The following CNTN4 variants were observed in gnomAD, a reference collection of about 807,000 sequenced individuals.
CNTN4 encodes the protein contactin-4.
A neutral mutation model predicts 122.5 loss-of-function variants in CNTN4; 77 were observed. The ratio of observed to expected loss-of-function variants is 0.63; its 90% CI spans 0.52 to 0.76. CNTN4 has a LOEUF of 0.76. Ranked by LOEUF, CNTN4 falls within the 30% of genes least tolerant of loss-of-function variation. CNTN4 has a pLI of 0.00. For synonymous variants in CNTN4, 512 were observed against 447.0 expected, an observed-to-expected ratio of 1.15 and a Z score of -1.83; for missense variants, 1,256 against 1,259.1, an observed-to-expected ratio of 1.00 and a Z score of 0.04.
At chr3:2,668,595 G>C (rs374689063) in intron 4 of CNTN4, among the ~76,000 whole-genome samples, 167 of 152,170 alleles carry the variant, frequency 1.1e-3, no homozygotes, top group Middle Eastern at 3.4e-3. Context: ...TCCTTCTCCT[G>C]CCTGATTGCC....
intron 7 of CNTN4, among the ~76,000 whole-genome samples, chr3:2,853,868 T>G: frequency 6.6e-6 from 1 of 152,212 alleles, no homozygotes; most frequent in Admixed American, 6.5e-5. Flanking sequence ...ATTGGTCTCC[T>G]GTGACTCACT....
intron 6 of CNTN4, among the ~76,000 whole-genome samples, chr3:2,781,558 G>T (rs984203083): frequency 1.3e-5 from 2 of 151,966 alleles, no homozygotes; most frequent in African/African-American, 2.4e-5. Context: ...CCCTCAGGAG[G>T]TCCTGAGAAC....
intron 2 of CNTN4, among the ~76,000 whole-genome samples, chr3:2,287,697 GAAGAAGAA>G (rs2041975447): frequency 1.3e-5 from 1 of 79,548 alleles, no homozygotes; most frequent in East Asian, 3.6e-4. Flanking sequence ...AGAAGAGGAA[GAAGAAGAA>G]GAAGAGGAAG....
intron 3 of CNTN4, among the ~76,000 whole-genome samples, chr3:2,530,738 T>C (rs1018184487): frequency 2.0e-5 from 3 of 152,226 alleles, no homozygotes; most frequent in Non-Finnish European, 4.4e-5. Flanking sequence ...AGAACACTTA[T>C]GTAGCCAGAT....
intron 2 of CNTN4, among the ~76,000 whole-genome samples, chr3:2,190,851 AAT>A: frequency 6.7e-6 from 1 of 148,500 alleles, no homozygotes; most frequent in Middle Eastern, 3.5e-3. Context: ...CACACACATA[AAT>A]ATATATCTCG....
intron 7 of CNTN4, among the ~76,000 whole-genome samples, 180 bp downstream of exon 7, chr3:2,819,761 T>C (rs1012710420): frequency 1.3e-5 from 2 of 152,130 alleles, no homozygotes; most frequent in Non-Finnish European, 2.9e-5. Context: ...AAATACCAGA[T>C]TGTGCAAATT....
intron 4 of CNTN4, among the ~76,000 whole-genome samples, chr3:2,655,035 T>C (rs1033211885): frequency 2.0e-5 from 3 of 152,186 alleles, no homozygotes; most frequent in African/African-American, 7.2e-5. Context: ...AATAATTGTT[T>C]ATGAGGAAAT....
intron 7 of CNTN4, among the ~76,000 whole-genome samples, chr3:2,863,888 G>T (rs75530363): frequency 6.6e-6 from 1 of 152,098 alleles, no homozygotes; most frequent in Non-Finnish European, 1.5e-5. Context: ...TAGGGAGGTG[G>T]GGGTAGAAAA....
chr3:2,861,109 TG>T (rs2093667094), intron 7 of CNTN4, among the ~76,000 whole-genome samples: 1 of 152,224 alleles, frequency 6.6e-6, no homozygotes, highest in Non-Finnish European at 1.5e-5. Flanking sequence ...GTGTAACTCT[TG>T]GTTTAGGCAG....
chr3:2,761,295 G>C (rs2090577721), intron 6 of CNTN4, among the ~76,000 whole-genome samples: 1 of 152,150 alleles, frequency 6.6e-6, no homozygotes. Context: ...CAGAAAGGCT[G>C]TGACCTTCAG....
chr3:2,115,418 C>T (rs2033282533), intron 2 of CNTN4, among the ~76,000 whole-genome samples: 4 of 152,192 alleles, frequency 2.6e-5, no homozygotes, highest in African/African-American at 9.7e-5. Context: ...TTTCTTGGAA[C>T]CAAGGAACTA....
intron 3 of CNTN4, among the ~76,000 whole-genome samples, chr3:2,554,456 A>G (rs1575970819): frequency 6.6e-6 from 1 of 152,102 alleles, no homozygotes; most frequent in South Asian, 2.1e-4. Flanking sequence ...GCATTTGTAC[A>G]ATGATTTTGA....
Position 3,038,945 on chromosome 3 carries a change from C to T in CNTN4, c.2105C>T (p.Thr702Ile), listed in dbSNP as rs1327242502. The T allele has an allele frequency of 1.9e-6, 3 of 1,614,116 alleles. No individual in the cohort carries two copies. Among genetic ancestry groups the T allele is most frequent in the South Asian group, 2.2e-5 (2 of 91,076 alleles). The change falls in exon 19 of 25, where the codon ACA becomes ATA. Residue 702 changes from threonine (T) to isoleucine (I), a missense_variant. Physicochemically the swap from Thr to Ile is moderately conservative, Grantham distance 89. Coordinates refer to ENST00000418658, the MANE Select transcript of CNTN4 (RefSeq NM_175607.3). ...RRTEEALPEV[T>I]PANVSGGGGS... ...TCTCCTTGTGCAGTCCCCGAAGTCA[C>T]ACCAGCGAATGTCAGTGGTGGCGGA...
At chr3:2,241,016 C>A (rs778682160) in intron 2 of CNTN4, among the ~76,000 whole-genome samples, 2 of 152,010 alleles carry the variant, frequency 1.3e-5, no homozygotes, top group African/African-American at 4.8e-5. Context: ...ATTTTTATGG[C>A]AAAGGGCGGT....
intron 13 of CNTN4, among the ~76,000 whole-genome samples, chr3:2,954,706 G>T (rs1464521638): frequency 2.6e-5 from 4 of 151,860 alleles, no homozygotes; most frequent in Non-Finnish European, 1.5e-5. Context: ...ATCTTGCAAT[G>T]CAATAACCTG....
chr3:2,290,954 T>C (rs1187488290), intron 2 of CNTN4, among the ~76,000 whole-genome samples: 1 of 152,170 alleles, frequency 6.6e-6, no homozygotes, highest in East Asian at 1.9e-4. Flanking sequence ...GTGAAAGCCT[T>C]ACATTATAAA....
At chr3:2,211,447 CG>C (rs2038611806) in intron 2 of CNTN4, among the ~76,000 whole-genome samples, 1 of 152,058 alleles carries the variant, frequency 6.6e-6, no homozygotes, top group African/African-American at 2.4e-5. Context: ...CTACCGTATG[CG>C]TTGTGTAGTT....
chr3:2,515,817 ATTG>A lies in CNTN4; in HGVS notation c.-88-55597_-88-55595del, dbSNP rs1447612741. The stretch of plus-strand genomic sequence containing the variant: ...CATAATTTATACTTGTAGGACATGG[ATTG>A]TAGTGCTTTTTGTTTCTTCCACTGT... On this transcript the variant is annotated intron_variant, in intron 3 of 24. Coordinates refer to ENST00000418658, the MANE Select transcript of CNTN4 (RefSeq NM_175607.3). Among the ~76,000 whole-genome samples the A allele has an allele frequency of 2.0e-5, 3 of 152,162 alleles. No homozygotes were observed. In the East Asian group the frequency reaches 5.8e-4, roughly 29 times the overall value.
intron 3 of CNTN4, among the ~76,000 whole-genome samples, chr3:2,437,495 A>G (rs1302353272): frequency 6.6e-6 from 1 of 152,186 alleles, no homozygotes; most frequent in Non-Finnish European, 1.5e-5. Flanking sequence ...CAAACCCCAT[A>G]TTTCTAAATT....
Sources: gnomAD v4.1 joint callset for allele counts (sites outside exome capture counted in the v4.1 genomes callset) on GRCh38, gnomAD v4.1.1 for gene constraint, MANE v1.5 for transcripts, NCBI Gene and HGNC (gene_info 2026-07-23, HGNC 2026-07-21) for gene names.